Variants in GALK2 observed in about 807,000 individuals in gnomAD.
GALK2 encodes N-acetylgalactosamine kinase.
GALK2 carries 36 observed loss-of-function variants against 52.4 expected under a neutral mutation model. The ratio of observed to expected loss-of-function variants is 0.69; its 90% CI spans 0.53 to 0.91. GALK2 has a LOEUF of 0.91. GALK2 is among the 40% of genes least tolerant of loss of function. The probability of loss-of-function intolerance (pLI) is 0.00; values close to 1 mark genes in which losing one functional copy is unlikely to be tolerated. For synonymous variants in GALK2, 176 were observed against 199.1 expected (o/e 0.88, Z 0.98); for missense variants, 579 against 559.1 (o/e 1.04, Z -0.36).
chr15:49,287,886 T>C (rs950452247), intron 7 of GALK2, among the ~76,000 whole-genome samples: 1 of 152,232 alleles, frequency 6.6e-6, no homozygotes, highest in Admixed American at 6.5e-5. Context: ...AATTTTTCTT[T>C]GTTTTGCATT....
chr15:49,337,508 CTTTT>C (rs33973907), intron 3 of GALK2, among the ~76,000 whole-genome samples: 53 of 36,092 alleles, frequency 1.5e-3, no homozygotes, highest in African/African-American at 5.8e-3. Context: ...CATTTACCCA[CTTTT>C]TTTTTTTTTT....
chr15:49,365,244 AG>A lies in GALK2; in HGVS notation c.427-2245del. Reference sequence around the variant, plus strand: ...AACTTTTTCATTTCCTTACATTTCCAGGCAACAACTGAGGCAATAATAAGTG... The same window carrying A: ...AACTTTTTCATTTCCTTACATTTCCAGCAACAACTGAGGCAATAATAAGTG... On this transcript the variant is annotated intron_variant, in intron 3 of 3. Transcript: ENST00000558399. 4 of 1,112,366 alleles carry A rather than the reference AG, an allele frequency of 3.6e-6. No homozygotes were observed. In the South Asian group the frequency reaches 5.0e-5, roughly 14 times the overall value. 68.9% of individuals were successfully genotyped at this position (1,112,366 alleles called of 1,614,324 possible).
intron 7 of GALK2, among the ~76,000 whole-genome samples, chr15:49,287,261 T>C (rs1024348342): frequency 2.0e-5 from 3 of 152,314 alleles, no homozygotes; most frequent in African/African-American, 4.8e-5. Flanking sequence ...CTCCTCCCAA[T>C]TGACGTAGAT....
intron 8 of GALK2, among the ~76,000 whole-genome samples, chr15:49,308,308 C>T (rs2035711301): frequency 6.6e-6 from 1 of 152,100 alleles, no homozygotes. Flanking sequence ...GAGAAATTGA[C>T]CAGTAATGTG....
chr15:49,218,676 ATTTG>A (rs1429920516), intron 3 of GALK2, among the ~76,000 whole-genome samples: 1 of 152,310 alleles, frequency 6.6e-6, no homozygotes, highest in East Asian at 1.9e-4. Context: ...GTATATCTTA[ATTTG>A]TTTGTTTACC....
chr15:49,366,501 T>A, intron 3 of GALK2: 1 of 1,269,240 alleles, frequency 7.9e-7, no homozygotes, highest in East Asian at 2.3e-5. Flanking sequence ...ATCAAACTAA[T>A]GGAAGTTGCA....
At chr15:49,349,523 A>G (rs1334336161) in intron 3 of GALK2, among the ~76,000 whole-genome samples, 1 of 152,148 alleles carries the variant, frequency 6.6e-6, no homozygotes, top group African/African-American at 2.4e-5. Flanking sequence ...TCTCTATTAC[A>G]TAAGTTTTAA....
intron 3 of GALK2, among the ~76,000 whole-genome samples, chr15:49,352,106 T>C (rs1448114163): frequency 6.6e-6 from 1 of 152,140 alleles, no homozygotes; most frequent in Non-Finnish European, 1.5e-5. Context: ...TGGCTCATCC[T>C]CAGCTGTGAC....
intron 9 of GALK2, among the ~76,000 whole-genome samples, chr15:49,321,018 C>T (rs937525184): frequency 9.9e-5 from 15 of 152,130 alleles, no homozygotes; most frequent in African/African-American, 3.6e-4. Context: ...AGTGGTCAAC[C>T]TGTACTTGTT....
rs147861336 is a variant in GALK2 at position 49,171,585 on chromosome 15, T to C, written c.53+1210T>C. Among the ~76,000 whole-genome samples the C allele has an allele frequency of 2.0e-5, 3 of 152,302 alleles. No individual in the cohort carries two copies. In the East Asian group the frequency reaches 5.8e-4, roughly 29 times the overall value. On this transcript the variant is annotated intron_variant, in intron 1 of 9. Coordinates refer to ENST00000560031, the MANE Select transcript of GALK2 (RefSeq NM_002044.4). ...CAGAAAGAAGCATGATTTCTTATTATAGAGTCCAGCACAGCTTTGGACTAC... is the reference window on the plus strand; with the variant it reads ...CAGAAAGAAGCATGATTTCTTATTACAGAGTCCAGCACAGCTTTGGACTAC...
chr15:49,340,042 A>G (rs974527546), intron 3 of GALK2, among the ~76,000 whole-genome samples: 4 of 152,104 alleles, frequency 2.6e-5, no homozygotes, highest in African/African-American at 9.7e-5. Context: ...GTGGATCTTA[A>G]CTTGCTGGGC....
At chr15:49,227,799 T>C (rs1449893846) in intron 3 of GALK2, among the ~76,000 whole-genome samples, 1 of 152,112 alleles carries the variant, frequency 6.6e-6, no homozygotes, top group African/African-American at 2.4e-5. Context: ...ATTCATGAGT[T>C]TGCTCTACCA....
At chr15:49,213,186 C>T (rs1005488265) in intron 2 of GALK2, among the ~76,000 whole-genome samples, 5 of 152,150 alleles carry the variant, frequency 3.3e-5, no homozygotes, top group Admixed American at 2.6e-4. Flanking sequence ...ATTGGGTGCA[C>T]ATATATTTAC....
chr15:49,285,909 T>C (rs2033301060), intron 7 of GALK2, among the ~76,000 whole-genome samples: 1 of 152,196 alleles, frequency 6.6e-6, no homozygotes, highest in African/African-American at 2.4e-5. Flanking sequence ...AGAGCCACCA[T>C]ATCTGAGACC....
intron 3 of GALK2, among the ~76,000 whole-genome samples, chr15:49,350,677 CTAATT>C (rs766725747): frequency 1.4e-4 from 22 of 152,176 alleles, no homozygotes; most frequent in Non-Finnish European, 2.5e-4. Flanking sequence ...TTCCCGTAAT[CTAATT>C]TTTGACCTTG....
intron 8 of GALK2, among the ~76,000 whole-genome samples, chr15:49,294,722 T>G (rs1401868451): frequency 2.0e-5 from 3 of 152,110 alleles, no homozygotes; most frequent in African/African-American, 7.2e-5. Flanking sequence ...CATACAACAA[T>G]CACAATAAAT....
intron 3 of GALK2, among the ~76,000 whole-genome samples, chr15:49,217,617 CA>C (rs1392184642): frequency 8.5e-5 from 13 of 152,204 alleles, no homozygotes; most frequent in African/African-American, 2.9e-4. Context: ...TTATCTCCAG[CA>C]AAGTCAGGTC....
intron 1 of GALK2, among the ~76,000 whole-genome samples, chr15:49,184,910 G>C (rs191144202): frequency 6.6e-6 from 1 of 152,216 alleles, no homozygotes; most frequent in East Asian, 1.9e-4. Context: ...CAATTATAGT[G>C]TTACAATGTT....
intron 3 of GALK2, chr15:49,366,756 T>C (rs2151448413): frequency 1.3e-6 from 1 of 752,778 alleles, no homozygotes; most frequent in Non-Finnish European, 2.1e-6. Context: ...GTCCCGCCAC[T>C]GCGCTGCCTC....
Sources: gnomAD v4.1 joint callset for allele counts (sites outside exome capture counted in the v4.1 genomes callset) on GRCh38, gnomAD v4.1.1 for gene constraint, MANE v1.5 for transcripts, NCBI Gene and HGNC (gene_info 2026-07-23, HGNC 2026-07-21) for gene names.